Variants in RRP12 observed in about 807,000 individuals in gnomAD.
RRP12 encodes the protein RRP12-like protein.
Under a neutral mutation model 157.3 loss-of-function variants are expected in RRP12, and 78 were observed. The ratio of observed to expected loss-of-function variants is 0.50; its 90% confidence interval spans 0.41 to 0.60. RRP12 has a LOEUF of 0.60. Ranked by LOEUF, RRP12 falls within the 20% of genes least tolerant of loss-of-function variation. The pLI is 0.00. For missense variants in RRP12, 1,521 were observed against 1,679.9 expected (o/e 0.91, Z 1.65); for synonymous variants, 726 against 670.9 (o/e 1.08, Z -1.27).
chr10:97,401,370 T>A, upstream of RRP12: 1 of 1,131,152 alleles, frequency 8.8e-7, no homozygotes, highest in Non-Finnish European at 1.3e-6. Flanking sequence ...TGTGCATTAC[T>A]ATGGTAAAAC....
intron 4 of RRP12, chr10:97,393,408 C>T (rs955441496): frequency 5.0e-6 from 3 of 596,554 alleles, no homozygotes; most frequent in Non-Finnish European, 9.5e-6. Flanking sequence ...CCTGGACACA[C>T]ACCACGTGAA....
chr10:97,370,205 C>A lies in RRP12; in HGVS notation c.2759G>T (p.Ser920Ile), dbSNP rs760755767. 2 of 1,607,132 alleles carry A rather than the reference C, an allele frequency of 1.2e-6. No homozygotes were observed. Among genetic ancestry groups the A allele is most frequent in the Middle Eastern group, 1.7e-4 (1 of 6,046 alleles). Reference sequence around the variant, plus strand: ...AAGGAGGTGGGTCAGGGCCAGGATGCTGCAGCTGACCATGGTCACCGCGCC... The same window carrying A: ...AAGGAGGTGGGTCAGGGCCAGGATGATGCAGCTGACCATGGTCACCGCGCC... ...LVGAVTMVSC[S>I]ILALTHLLFE... Residue 920 changes from serine (S) to isoleucine (I), a missense_variant, in exon 24 of 34, where the codon AGC becomes ATC. Coordinates refer to ENST00000370992, the MANE Select transcript of RRP12 (RefSeq NM_015179.4).
chr10:97,398,439 T>C (rs77441707), intron 2 of RRP12, among the ~76,000 whole-genome samples: 52,674 of 143,974 alleles, frequency 0.37, 9,978 homozygotes, highest in African/African-American at 0.47. Context: ...CTGCAACCTC[T>C]GCCTCCAGGG....
chr10:97,393,497 TTA>T, intron 4 of RRP12, 185 bp downstream of exon 4: 1 of 687,816 alleles, frequency 1.5e-6, no homozygotes, highest in South Asian at 1.5e-5. Flanking sequence ...CCTAGTTTAG[TTA>T]GAGTTTCTCA....
chr10:97,378,612 T>A (rs1043789447), intron 15 of RRP12, among the ~76,000 whole-genome samples: 3 of 152,094 alleles, frequency 2.0e-5, no homozygotes, highest in African/African-American at 7.2e-5. Flanking sequence ...ATCCCAGCAC[T>A]TTGGGAGGCC....
chr10:97,397,082 C>A (rs1844984927), intron 2 of RRP12, among the ~76,000 whole-genome samples: 1 of 151,496 alleles, frequency 6.6e-6, no homozygotes, highest in Non-Finnish European at 1.5e-5. Flanking sequence ...TACTTTAAAT[C>A]ATCTCTAGAT....
chr10:97,372,079 G>A lies in RRP12; in HGVS notation c.2337C>T (p.Tyr779=). 6.2e-7 allele frequency: 1 copy of A among 1,612,548 alleles called. No homozygotes were observed. The highest frequency in any genetic ancestry group is 8.5e-7 in the Non-Finnish European group (1 of 1,179,080). Residue 779 remains tyrosine (Y), a synonymous_variant, in exon 20 of 34, where the codon TAC becomes TAT. Transcript: ENST00000370992. Reference sequence around the variant, plus strand: ...CCTGGCCCCCGAGGCTCACCTCTAGGTAGGGCCGGATGGTGGAGTATAGCT... The same window carrying A: ...CCTGGCCCCCGAGGCTCACCTCTAGATAGGGCCGGATGGTGGAGTATAGCT... ...ISKLYSTIRP[Y]LESKAHGVQK...
chr10:97,385,401 C>T (rs1415459900), intron 9 of RRP12, 144 bp from the exon 10 acceptor site: 5 of 652,758 alleles, frequency 7.7e-6, no homozygotes, highest in African/African-American at 1.8e-5. Flanking sequence ...GCTTTCCCAG[C>T]TCCTGCCTTT....
At chr10:97,375,356 A>C (rs903340557) in intron 15 of RRP12, among the ~76,000 whole-genome samples, 3 of 152,048 alleles carry the variant, frequency 2.0e-5, no homozygotes, top group Non-Finnish European at 4.4e-5. Flanking sequence ...CTTCTGCCTC[A>C]GACTCTCAGA....
At chr10:97,379,198 GGT>G in intron 15 of RRP12, 93 bp downstream of exon 15, 2 of 1,407,650 alleles carry the variant, frequency 1.4e-6, no homozygotes, top group Non-Finnish European at 2.0e-6. Flanking sequence ...TTGAAGGCTG[GGT>G]GTGTGGGACT....
chr10:97,369,053 GA>G lies in RRP12; in HGVS notation c.2955+371del, dbSNP rs922524211. ...CCAGCAAGGTCAAAATGCAAGATGGGAAAAAAAAAAAGGCAAGATGAGGGGG... is the reference window on the plus strand; with the variant it reads ...CCAGCAAGGTCAAAATGCAAGATGGGAAAAAAAAAAGGCAAGATGAGGGGG... On this transcript the variant is annotated intron_variant, in intron 25 of 33. Coordinates refer to ENST00000370992, the MANE Select transcript of RRP12 (RefSeq NM_015179.4). Among the ~76,000 whole-genome samples, 308 of 147,118 alleles carry G rather than the reference GA, an allele frequency of 2.1e-3. 1 individual carries two copies. Among genetic ancestry groups the G allele is most frequent in the Non-Finnish European group, 3.4e-3 (223 of 66,356 alleles).
intron 3 of RRP12, among the ~76,000 whole-genome samples, chr10:97,394,963 C>G (rs116232754): frequency 6.6e-6 from 1 of 150,964 alleles, no homozygotes; most frequent in Non-Finnish European, 1.5e-5. Flanking sequence ...GGCGACATGA[C>G]GAAACTCTGT....
At position 97,373,075 on chromosome 10, in the gene RRP12, T is replaced by C. The variant is rs756205499; in HGVS notation, c.2152A>G (p.Arg718Gly). The C allele has an allele frequency of 6.2e-7, 1 of 1,613,864 alleles. No individual in the cohort carries two copies. Among genetic ancestry groups the C allele is most frequent in the South Asian group, 1.1e-5 (1 of 91,058 alleles). The change falls in exon 18 of 34, where the codon AGA (arginine) becomes GGA (glycine). Residue 718 changes from arginine to glycine, a missense_variant. Transcript: ENST00000370992. ...APRRAVLETI[R>G]TYLTITDTQL... ...GTGTCAGTGATGGTGAGGTAAGTTC[T>C]GATGGTTTCCAGCACAGCCCGGCGA...
intron 4 of RRP12, among the ~76,000 whole-genome samples, chr10:97,391,689 A>G (rs1187155441): frequency 6.6e-6 from 1 of 152,182 alleles, no homozygotes; most frequent in Non-Finnish European, 1.5e-5. Flanking sequence ...TGGGAGGCCG[A>G]GGCGGGTGGA....
chr10:97,378,874 A>AAAAT (rs57988735), intron 15 of RRP12, among the ~76,000 whole-genome samples: 48 of 151,596 alleles, frequency 3.2e-4, no homozygotes, highest in Admixed American at 1.0e-3. Context: ...TAATAATAAT[A>AAAAT]AAATAAATAA....
Position 97,385,907 on chromosome 10 carries a change from G to T in RRP12, c.1104C>A (p.Ala368=). 6.2e-7 allele frequency: 1 copy of T among 1,603,922 alleles called. No homozygotes were observed. Among genetic ancestry groups the T allele is most frequent in the Non-Finnish European group, 8.5e-7 (1 of 1,175,032 alleles). ...GLSTLSAELN[A]QIITALYDYV... ...CAACAGGCCTCACCGTGATGATCTG[G>T]GCGTTGAGCTCTGCTGACAGGGTGC... The change falls in exon 9 of 34, where the codon GCC becomes GCA. Residue 368 remains alanine, a synonymous_variant. Coordinates refer to ENST00000370992, the MANE Select transcript of RRP12 (RefSeq NM_015179.4).
intron 19 of RRP12, among the ~76,000 whole-genome samples, 195 bp from the exon 20 acceptor site, chr10:97,372,361 T>G (rs1844181374): frequency 6.6e-6 from 1 of 152,216 alleles, no homozygotes; most frequent in African/African-American, 2.4e-5. Flanking sequence ...CCGTTCCTGG[T>G]GTTTTACACC....
At position 97,372,260 on chromosome 10, in the gene RRP12, G is replaced by T. The variant is rs1002706579; in HGVS notation, c.2250-94C>A. 9 of 891,072 alleles carry T rather than the reference G, an allele frequency of 1.0e-5. No homozygotes were observed. The African/African-American group carries it at 1.1e-4, about 11-fold the overall frequency. 55.2% of individuals were successfully genotyped at this position (891,072 alleles called of 1,614,324 possible). On this transcript the variant is annotated intron_variant, in intron 19 of 33. Transcript: ENST00000370992. ...ACGTCTACTGGGTATGGGGAGGTGG[G>T]AGAAGTCAGGGTGAGGACAAGGGGC...
At chr10:97,377,064 G>A (rs1844329771) in intron 15 of RRP12, among the ~76,000 whole-genome samples, 1 of 151,864 alleles carries the variant, frequency 6.6e-6, no homozygotes, top group Non-Finnish European at 1.5e-5. Flanking sequence ...ACTTTTAGTA[G>A]AGATGGGGTT....
Sources: gnomAD v4.1 joint callset for allele counts (sites outside exome capture counted in the v4.1 genomes callset) on GRCh38, gnomAD v4.1.1 for gene constraint, MANE v1.5 for transcripts, NCBI Gene and HGNC (gene_info 2026-07-23, HGNC 2026-07-21) for gene names.